The following ACTR3C variants were observed in gnomAD, a reference collection of about 807,000 sequenced individuals.
The protein encoded by ACTR3C is actin related protein 3C, also known as actin-related protein 3C.
Under a neutral mutation model 26.3 loss-of-function variants are expected in ACTR3C, and 18 were observed. The observed-to-expected ratio is 0.68, with a 90% CI of 0.47 to 1.01. ACTR3C has a LOEUF of 1.01. ACTR3C is among the 50% of genes least tolerant of loss of function. ACTR3C has a pLI of 0.00. For missense variants in ACTR3C, 184 were observed against 250.7 expected (o/e 0.73, Z 1.80); for synonymous variants, 55 against 94.5 (o/e 0.58, Z 2.42).
chr7:149,975,737 C>T, the ACTR3C span, among the ~76,000 whole-genome samples: 5 of 152,146 alleles, frequency 3.3e-5, no homozygotes, highest in East Asian at 1.9e-4. Context: ...TGGAGGAAGG[C>T]GCCCCTTCAC....
chr7:149,997,770 A>G, the ACTR3C span, among the ~76,000 whole-genome samples: 1 of 150,108 alleles, frequency 6.7e-6, no homozygotes, highest in East Asian at 2.1e-4. Context: ...AAATCTGTCC[A>G]CTGCATCAGT....
the ACTR3C span, among the ~76,000 whole-genome samples, chr7:150,070,780 T>C: frequency 6.7e-6 from 1 of 149,676 alleles, no homozygotes; most frequent in South Asian, 2.1e-4. Flanking sequence ...CATAAGGCAA[T>C]TTTTTTCTTT....
chr7:150,157,784 C>G, the ACTR3C span, among the ~76,000 whole-genome samples: 1 of 152,258 alleles, frequency 6.6e-6, no homozygotes, highest in East Asian at 1.9e-4. Context: ...GGGAAAACAT[C>G]AAGCCACATT....
chr7:150,288,102 C>G (rs113353108), intron 4 of ACTR3C, among the ~76,000 whole-genome samples: 1,600 of 120,708 alleles, frequency 0.013, 19 homozygotes, highest in South Asian at 0.03. Flanking sequence ...AGAGAGAAGT[C>G]AGGTGAGAAC....
chr7:150,047,220 A>G, the ACTR3C span, among the ~76,000 whole-genome samples: 63 of 151,996 alleles, frequency 4.1e-4, no homozygotes, highest in African/African-American at 1.4e-3. Context: ...TTCCCGGAGC[A>G]CGAAATAAAT....
chr7:150,170,982 CA>C, the ACTR3C span, among the ~76,000 whole-genome samples: 1 of 137,026 alleles, frequency 7.3e-6, no homozygotes, highest in Non-Finnish European at 1.5e-5. Context: ...CTACATGAAA[CA>C]AAAACCGATA....
chr7:150,135,664 A>T, the ACTR3C span, among the ~76,000 whole-genome samples: 1 of 152,220 alleles, frequency 6.6e-6, no homozygotes, highest in African/African-American at 2.4e-5. Context: ...TTACACACCA[A>T]GGAAACTCTG....
chr7:150,147,031 C>T, the ACTR3C span, among the ~76,000 whole-genome samples: 1 of 152,198 alleles, frequency 6.6e-6, no homozygotes. Context: ...CCAGTACCTT[C>T]CAACAGAAAA....
the ACTR3C span, among the ~76,000 whole-genome samples, chr7:150,012,328 T>TTC: frequency 2.1e-5 from 3 of 145,756 alleles, no homozygotes; most frequent in Non-Finnish European, 3.0e-5. Flanking sequence ...TTTTTTTTTT[T>TTC]TTTTGAGACG....
chr7:149,896,782 G>A, the ACTR3C span, among the ~76,000 whole-genome samples: 20 of 151,972 alleles, frequency 1.3e-4, no homozygotes, highest in African/African-American at 2.7e-4. Flanking sequence ...TGCTAAGGCT[G>A]GGCGCGGTGG....
the ACTR3C span, among the ~76,000 whole-genome samples, chr7:150,083,596 A>T: frequency 6.6e-6 from 1 of 152,004 alleles, no homozygotes; most frequent in East Asian, 1.9e-4. Context: ...AACTATAGTC[A>T]CCCTACTGTG....
the ACTR3C span, among the ~76,000 whole-genome samples, chr7:150,227,699 TTG>T: frequency 4.4e-5 from 6 of 136,618 alleles, no homozygotes; most frequent in South Asian, 4.5e-4. Context: ...TTTTTTTTTT[TTG>T]TTTTTTTTTT....
the ACTR3C span, among the ~76,000 whole-genome samples, chr7:150,143,526 A>G: frequency 6.6e-6 from 1 of 152,314 alleles, no homozygotes; most frequent in East Asian, 1.9e-4. Flanking sequence ...AACAGCTACG[A>G]CAATCAAGAC....
intron 1 of ACTR3C, chr7:150,322,818 C>T (rs1797681993): frequency 1.3e-5 from 2 of 152,282 alleles, no homozygotes; most frequent in Admixed American, 6.5e-5. Flanking sequence ...ATCGGGACCC[C>T]TTTCTGATAA....
chr7:150,262,199 C>A (rs1419490013), intron 6 of ACTR3C, among the ~76,000 whole-genome samples: 1 of 151,028 alleles, frequency 6.6e-6, no homozygotes, highest in Non-Finnish European at 1.5e-5. Flanking sequence ...AACAAATTGC[C>A]GTTTAGTACT....
the ACTR3C span, among the ~76,000 whole-genome samples, chr7:150,043,249 A>C: frequency 1.3e-5 from 2 of 151,008 alleles, no homozygotes; most frequent in African/African-American, 4.9e-5. Context: ...GGTGGTTCCT[A>C]AGGATCTTAG....
At chr7:150,070,477 G>A in the ACTR3C span, among the ~76,000 whole-genome samples, 24 of 152,304 alleles carry the variant, frequency 1.6e-4, no homozygotes, top group Admixed American at 1.3e-3. Context: ...TTTAGACAGG[G>A]TCTTGCTCTG....
At chr7:150,234,108 C>A in the ACTR3C span, among the ~76,000 whole-genome samples, 1 of 152,166 alleles carries the variant, frequency 6.6e-6, no homozygotes, top group African/African-American at 2.4e-5. Context: ...CACAGAGAGT[C>A]TGTGTTTTCT....
chr7:150,298,368 T>C (rs1216342379), intron 1 of ACTR3C, among the ~76,000 whole-genome samples: 1 of 150,280 alleles, frequency 6.7e-6, no homozygotes, highest in Admixed American at 6.6e-5. Flanking sequence ...CATAACATTT[T>C]AAAAAAATAG....
Sources: allele counts gnomAD v4.1 joint callset (sites outside exome capture counted in the v4.1 genomes callset), GRCh38; gene constraint gnomAD v4.1.1; transcripts MANE v1.5; gene names NCBI Gene and HGNC (gene_info 2026-07-23, HGNC 2026-07-21).